Variants in DNAH7 observed in about 807,000 individuals in gnomAD.
DNAH7 encodes axonemal beta dynein heavy chain 7.
A neutral mutation model predicts 444.6 loss-of-function variants in DNAH7; 397 were observed. The ratio of observed to expected loss-of-function variants is 0.89; its 90% CI spans 0.82 to 0.97. The LOEUF (loss-of-function observed/expected upper bound fraction) is 0.97. DNAH7 is among the 50% of genes least tolerant of loss of function. The probability of loss-of-function intolerance (pLI) is 0.00; values close to 1 mark genes in which losing one functional copy is unlikely to be tolerated. For missense variants in DNAH7, 4,902 were observed against 4,800.8 expected (o/e 1.02, Z -0.62); for synonymous variants, 1,636 against 1,624.4 (o/e 1.01, Z -0.17).
chr2:195,818,839 C>T (rs1011151735), intron 49 of DNAH7, among the ~76,000 whole-genome samples: 1 of 152,052 alleles, frequency 6.6e-6, no homozygotes, highest in Non-Finnish European at 1.5e-5. Flanking sequence ...ATACTGCAGT[C>T]TGCCTGACCT....
chr2:195,868,740 T>G (rs1407148028), intron 40 of DNAH7, among the ~76,000 whole-genome samples: 1 of 151,344 alleles, frequency 6.6e-6, no homozygotes, highest in Non-Finnish European at 1.5e-5. Context: ...GGTCTTGTTT[T>G]TGCAGAATAT....
intron 54 of DNAH7, among the ~76,000 whole-genome samples, chr2:195,800,967 G>C (rs1696419570): frequency 6.6e-6 from 1 of 151,998 alleles, no homozygotes; most frequent in Admixed American, 6.6e-5. Flanking sequence ...CCTATATCCA[G>C]TACTTCTGTG....
intron 19 of DNAH7, among the ~76,000 whole-genome samples, chr2:195,946,974 CCTCT>C (rs1689853570): frequency 6.6e-6 from 1 of 151,798 alleles, no homozygotes; most frequent in South Asian, 2.1e-4. Flanking sequence ...AATAAGGGAG[CCTCT>C]CTGAGTGAGA....
intron 64 of DNAH7, among the ~76,000 whole-genome samples, chr2:195,739,226 A>G (rs1377362542): frequency 6.6e-6 from 1 of 152,158 alleles, no homozygotes; most frequent in East Asian, 1.9e-4. Flanking sequence ...TGTCCTTGAA[A>G]CTTTCAATTT....
rs966533775 is a variant in DNAH7, at chr2:195,994,305, A to G, written c.1354-6076T>C. On this transcript the variant is annotated intron_variant, in intron 12 of 64. Coordinates refer to ENST00000312428, the MANE Select transcript of DNAH7 (RefSeq NM_018897.3). ...CTTTTCCAAATCATCAGCATCAAAG[A>G]TATCACTGATGCCTTCCTCCTCCCC... 1.2e-5 allele frequency: 6 copies of G among 501,738 alleles called. 1 individual carries two copies. In the Middle Eastern group the frequency reaches 1.7e-3, roughly 141 times the overall value. 31.1% of individuals were successfully genotyped at this position (501,738 alleles called of 1,614,324 possible). A position where few individuals can be genotyped will look rare whatever the true frequency, so the allele number is the denominator to read the frequency against.
chr2:195,884,097 C>T (rs1261586516), intron 35 of DNAH7, among the ~76,000 whole-genome samples: 2 of 152,140 alleles, frequency 1.3e-5, no homozygotes, highest in Admixed American at 1.3e-4. Flanking sequence ...TAAACTTGGT[C>T]CTCAGTACAA....
At chr2:195,942,435 TGAA>T (rs1255019122) in intron 19 of DNAH7, among the ~76,000 whole-genome samples, 2 of 140,212 alleles carry the variant, frequency 1.4e-5, no homozygotes, top group African/African-American at 5.3e-5. Flanking sequence ...AGGAAGAAGA[TGAA>T]GAGGAGGAAG....
At chr2:195,743,503 G>A (rs1693179197) in intron 63 of DNAH7, among the ~76,000 whole-genome samples, 3 of 152,152 alleles carry the variant, frequency 2.0e-5, no homozygotes, top group African/African-American at 7.2e-5. Flanking sequence ...GGATGACAGT[G>A]TTATGAGGCC....
chr2:195,834,530 G>C (rs1347107866), intron 47 of DNAH7, 170 bp from the exon 48 acceptor site: 1 of 622,182 alleles, frequency 1.6e-6, no homozygotes, highest in African/African-American at 1.8e-5. Flanking sequence ...AGATTGAGTG[G>C]GCTACCTGAA....
At chr2:195,871,027 T>A (rs556505956) in intron 40 of DNAH7, among the ~76,000 whole-genome samples, 42 of 152,264 alleles carry the variant, frequency 2.8e-4, no homozygotes, top group African/African-American at 8.2e-4. Context: ...TGGGTCCCAT[T>A]CAGGCAATTA....
chr2:196,009,025 G>A (rs1368149703), intron 10 of DNAH7, among the ~76,000 whole-genome samples: 1 of 152,156 alleles, frequency 6.6e-6, no homozygotes, highest in Non-Finnish European at 1.5e-5. Context: ...GCGAGTGCAA[G>A]AGAGCAAGGA....
At position 195,801,066 on chromosome 2, in the gene DNAH7, C is replaced by T. The variant is rs569748357; in HGVS notation, c.10177-1594G>A. The stretch of plus-strand genomic sequence containing the variant: ...GTCTGCTTCCCCTTCGACCTTCTGC[C>T]ATGCTGTGACATTGCACAAAAGCCC... On this transcript the variant is annotated intron_variant, in intron 54 of 64. Coordinates refer to ENST00000312428, the MANE Select transcript of DNAH7 (RefSeq NM_018897.3). Among the ~76,000 whole-genome samples, 8 of 152,238 alleles carry T rather than the reference C, an allele frequency of 5.3e-5. No homozygotes were observed. The South Asian group carries it at 1.7e-3, about 32-fold the overall frequency.
At chr2:195,886,827 T>C (rs902242225) in intron 33 of DNAH7, among the ~76,000 whole-genome samples, 5 of 152,182 alleles carry the variant, frequency 3.3e-5, no homozygotes, top group Non-Finnish European at 7.3e-5. Flanking sequence ...CTATGTAGCA[T>C]ATAGCAAGTT....
chr2:195,841,724 C>T (rs1353229853), intron 47 of DNAH7, among the ~76,000 whole-genome samples: 3 of 151,734 alleles, frequency 2.0e-5, no homozygotes, highest in Non-Finnish European at 4.4e-5. Context: ...ATCTTTCTCT[C>T]TTTTACTTCC....
Position 195,891,636 on chromosome 2 carries a change from T to C in DNAH7, c.5046+19A>G, listed in dbSNP as rs1559191972. 3 of 1,529,382 alleles carry C rather than the reference T, an allele frequency of 2.0e-6. No individual in the cohort carries two copies. Among genetic ancestry groups the C allele is most frequent in the Non-Finnish European group, 2.6e-6 (3 of 1,142,438 alleles). 94.7% of individuals were successfully genotyped at this position (1,529,382 alleles called of 1,614,324 possible). On this transcript the variant is annotated intron_variant, in intron 31 of 64. Transcript: ENST00000312428. ...ATCTTAACCTTTTAAGATATGCATG[T>C]GAAAGTGTTAGAACTTACCACTGAA...
intron 2 of DNAH7, among the ~76,000 whole-genome samples, chr2:196,052,236 G>T: frequency 6.6e-6 from 1 of 152,154 alleles, no homozygotes; most frequent in African/African-American, 2.4e-5. Flanking sequence ...TTGGGGAAGG[G>T]ACGGCTCTTC....
In DNAH7 at chr2:195,990,891, TTATATACATATATATACTTAAATA is replaced by T. The variant is rs1370949600; in HGVS notation, c.1354-2686_1354-2663del. 7.0e-3 allele frequency among the ~76,000 whole-genome samples: 910 copies of T among 129,164 alleles called. 10 individuals are homozygous for T. The highest frequency in any genetic ancestry group is 0.028 in the East Asian group (120 of 4,280). 84.7% of individuals were successfully genotyped at this position (129,164 alleles called of 152,430 possible). On this transcript the variant is annotated intron_variant, in intron 12 of 64. Transcript: ENST00000312428. The stretch of plus-strand genomic sequence containing the variant: ...TATACTTAAATATATACATATATAC[TTATATACATATATATACTTAAATA>T]TATATACATATATATACTTAAATAT...
At chr2:195,972,158 A>G in intron 16 of DNAH7, 84 bp downstream of exon 16, 1 of 1,154,628 alleles carries the variant, frequency 8.7e-7, no homozygotes. Flanking sequence ...GTATGCACTC[A>G]AATAAAATAA....
At chr2:195,945,387 G>A (rs1434673354) in intron 19 of DNAH7, among the ~76,000 whole-genome samples, 2 of 152,102 alleles carry the variant, frequency 1.3e-5, no homozygotes, top group Non-Finnish European at 2.9e-5. Context: ...GGGATCAGGA[G>A]GCCACCATTA....
Sources: gnomAD v4.1 joint callset for allele counts (sites outside exome capture counted in the v4.1 genomes callset) on GRCh38, gnomAD v4.1.1 for gene constraint, MANE v1.5 for transcripts, NCBI Gene and HGNC (gene_info 2026-07-23, HGNC 2026-07-21) for gene names.